The following ROCK2 variants were observed in gnomAD, a reference collection of about 807,000 sequenced individuals.
The protein encoded by ROCK2 is Rho associated coiled-coil containing protein kinase 2.
A neutral mutation model predicts 195.1 loss-of-function variants in ROCK2; 61 were observed. The ratio of observed to expected loss-of-function variants is 0.31; its 90% CI spans 0.25 to 0.39. The LOEUF is 0.39. Ranked by LOEUF, ROCK2 falls within the 10% of genes least tolerant of loss-of-function variation. The pLI is 1.00. For missense variants in ROCK2, 1,109 were observed against 1,637.4 expected, an observed-to-expected ratio of 0.68 and a Z score of 5.57; for synonymous variants, 504 against 545.5, an observed-to-expected ratio of 0.92 and a Z score of 1.06.
chr2:11,322,566 T>C (rs1668434070), intron 1 of ROCK2, among the ~76,000 whole-genome samples: 1 of 152,070 alleles, frequency 6.6e-6, no homozygotes, highest in African/African-American at 2.4e-5. Flanking sequence ...TTCAGGGTGT[T>C]TGTTATCTGC....
intron 17 of ROCK2, among the ~76,000 whole-genome samples, chr2:11,213,923 T>C (rs1664335852): frequency 6.6e-6 from 1 of 152,224 alleles, no homozygotes; most frequent in Non-Finnish European, 1.5e-5. Flanking sequence ...ACTGAATATT[T>C]AGCTGAGTAA....
chr2:11,195,078 CAAAG>C (rs1663578943), intron 27 of ROCK2, 53 bp from the exon 28 acceptor site: 2 of 947,546 alleles, frequency 2.1e-6, no homozygotes, highest in African/African-American at 1.7e-5. Context: ...CCTTAGATAA[CAAAG>C]AACTTAATAA....
intron 18 of ROCK2, among the ~76,000 whole-genome samples, chr2:11,209,641 C>T (rs1053486116): frequency 6.6e-6 from 1 of 152,048 alleles, no homozygotes; most frequent in Non-Finnish European, 1.5e-5. Flanking sequence ...CAAGTGATTT[C>T]AGTGTTAAAT....
In ROCK2 at chr2:11,214,394, T is replaced by C. The variant is rs766756146; in HGVS notation, c.2006A>G (p.Lys669Arg). The C allele has an allele frequency of 5.6e-6, 9 of 1,606,714 alleles. No individual in the cohort carries two copies. The highest frequency in any genetic ancestry group is 6.8e-6 in the Non-Finnish European group (8 of 1,173,942). ...AGTAAATCTCTCCTGAAGTTGTCTCTTCTCCAGTTCTACTTTCGCTAGTAA... is the reference window on the plus strand; with the variant it reads ...AGTAAATCTCTCCTGAAGTTGTCTCCTCTCCAGTTCTACTTTCGCTAGTAA... ...KILLAKVELE[K>R]RQLQERFTDL... The change falls in exon 17 of 33, where the codon AAG (lysine) becomes AGG (arginine). Residue 669 changes from lysine to arginine, a missense_variant. Physicochemically the swap from Lys to Arg is conservative, Grantham distance 26 (BLOSUM62 2). Transcript: ENST00000315872.
chr2:11,273,270 A>C (rs1666710868), intron 3 of ROCK2, among the ~76,000 whole-genome samples: 1 of 152,190 alleles, frequency 6.6e-6, no homozygotes, highest in Non-Finnish European at 1.5e-5. Flanking sequence ...ATTGTCCATA[A>C]GATAATCACT....
chr2:11,249,096 T>C (rs1246128360), intron 4 of ROCK2, among the ~76,000 whole-genome samples: 4 of 152,154 alleles, frequency 2.6e-5, no homozygotes, highest in East Asian at 1.9e-4. Flanking sequence ...CAGGGTTTCA[T>C]TGTGTTAGCC....
intron 30 of ROCK2, 151 bp downstream of exon 30, chr2:11,193,628 A>C (rs1011034469): frequency 3.1e-5 from 13 of 418,010 alleles, no homozygotes; most frequent in Non-Finnish European, 1.7e-5. Flanking sequence ...ACAAAGCAAC[A>C]AACCATCTTT....
intron 1 of ROCK2, among the ~76,000 whole-genome samples, chr2:11,294,691 T>C (rs1240209592): frequency 6.6e-6 from 1 of 152,170 alleles, no homozygotes; most frequent in Non-Finnish European, 1.5e-5. Flanking sequence ...ATGTAATACA[T>C]TGTTTTATTA....
intron 3 of ROCK2, among the ~76,000 whole-genome samples, chr2:11,264,563 C>T (rs1666349066): frequency 6.6e-6 from 1 of 152,156 alleles, no homozygotes; most frequent in Non-Finnish European, 1.5e-5. Context: ...ATCTATGACA[C>T]ATCTTCATGA....
Position 11,286,441 on chromosome 2 carries a change from T to G in ROCK2, c.324+98A>C. On this transcript the variant is annotated intron_variant, in intron 3 of 32. Coordinates refer to ENST00000315872, the MANE Select transcript of ROCK2 (RefSeq NM_004850.5). ...AAGATCACAAAGCCACCTTCTGGCA[T>G]GGGTGGGCATAGAAATTAGATCTAC... 4 of 737,514 alleles carry G rather than the reference T, an allele frequency of 5.4e-6. No homozygotes were observed. In the South Asian group the frequency reaches 7.3e-5, roughly 13 times the overall value. 45.7% of individuals were successfully genotyped at this position (737,514 alleles called of 1,614,324 possible).
Position 11,180,314 on chromosome 2 carries a change from G to C in ROCK2, c.*3123C>G, listed in dbSNP as rs1200170385. ...GGCAACCTAGAGTATTTCTGTTTAA[G>C]ATCTATATATAAATGGATGCAAAAT... On this transcript the variant is annotated 3_prime_UTR_variant, in exon 33 of 33. Coordinates refer to ENST00000315872, the MANE Select transcript of ROCK2 (RefSeq NM_004850.5). 3.3e-5 allele frequency: 5 copies of C among 152,136 alleles called. No homozygotes were observed. Among genetic ancestry groups the C allele is most frequent in the Admixed American group, 6.5e-5 (1 of 15,268 alleles). 9.4% of individuals were successfully genotyped at this position (152,136 alleles called of 1,614,324 possible).
chr2:11,332,014 G>A (rs974301934), intron 1 of ROCK2, among the ~76,000 whole-genome samples: 6 of 152,066 alleles, frequency 3.9e-5, no homozygotes, highest in Non-Finnish European at 1.5e-5. Flanking sequence ...GCAGTGGCAT[G>A]CACCTGTAGT....
intron 3 of ROCK2, among the ~76,000 whole-genome samples, chr2:11,280,336 A>G (rs1666955576): frequency 1.3e-5 from 2 of 152,112 alleles, no homozygotes; most frequent in Admixed American, 6.5e-5. Flanking sequence ...AATAAGGATA[A>G]TAAGGGTCCG....
chr2:11,268,111 C>A (rs1666484038), intron 3 of ROCK2, among the ~76,000 whole-genome samples: 1 of 151,920 alleles, frequency 6.6e-6, no homozygotes, highest in Non-Finnish European at 1.5e-5. Context: ...AACCACTGAC[C>A]CCAAACTAGA....
At chr2:11,270,100 ATTGGTAATT>A (rs1232634039) in intron 3 of ROCK2, among the ~76,000 whole-genome samples, 40 of 151,878 alleles carry the variant, frequency 2.6e-4, no homozygotes, top group Middle Eastern at 6.8e-3. Flanking sequence ...AGAATTCTAG[ATTGGTAATT>A]TTGCTTTCTT....
At chr2:11,237,324 T>A (rs973289327) in intron 4 of ROCK2, among the ~76,000 whole-genome samples, 1 of 152,160 alleles carries the variant, frequency 6.6e-6, no homozygotes, top group African/African-American at 2.4e-5. Flanking sequence ...AAATGAATGT[T>A]CTCTGAACAC....
At chr2:11,287,479 A>G (rs1340358209) in intron 2 of ROCK2, among the ~76,000 whole-genome samples, 176 bp downstream of exon 2, 3 of 152,210 alleles carry the variant, frequency 2.0e-5, no homozygotes, top group Non-Finnish European at 2.9e-5. Context: ...TCGGTTCTGC[A>G]ATTGCTTTAA....
chr2:11,288,232 T>C (rs565344774), intron 1 of ROCK2, among the ~76,000 whole-genome samples: 1 of 152,334 alleles, frequency 6.6e-6, no homozygotes, highest in East Asian at 1.9e-4. Context: ...GGATGATGCA[T>C]TGTCTGGATT....
intron 3 of ROCK2, among the ~76,000 whole-genome samples, chr2:11,273,094 CAAAAA>C (rs34784074): frequency 3.2e-4 from 7 of 21,758 alleles, no homozygotes; most frequent in East Asian, 2.1e-3. Context: ...AAATAAGGGT[CAAAAA>C]AAAAAAAAAA....
Sources: gnomAD v4.1 joint callset for allele counts (sites outside exome capture counted in the v4.1 genomes callset) on GRCh38, gnomAD v4.1.1 for gene constraint, MANE v1.5 for transcripts, NCBI Gene and HGNC (gene_info 2026-07-23, HGNC 2026-07-21) for gene names.